The following PTPRD variants were observed in gnomAD, a reference collection of about 807,000 sequenced individuals.
PTPRD encodes protein tyrosine phosphatase receptor type D.
Under a neutral mutation model 214.5 loss-of-function variants are expected in PTPRD, and 34 were observed. The observed-to-expected ratio is 0.16, with a 90% CI of 0.12 to 0.21. The LOEUF (loss-of-function observed/expected upper bound fraction) is 0.21, where lower values mean the gene tolerates loss of function less well. Ranked by LOEUF, PTPRD falls within the 10% of genes least tolerant of loss-of-function variation. PTPRD has a pLI of 1.00. For synonymous variants in PTPRD, 1,128 were observed against 845.7 expected, an observed-to-expected ratio of 1.33 and a Z score of -5.79; for missense variants, 2,545 against 2,398.7, an observed-to-expected ratio of 1.06 and a Z score of -1.27.
chr9:9,995,469 C>T (rs12348506), intron 4 of PTPRD, among the ~76,000 whole-genome samples: 2,678 of 152,184 alleles, frequency 0.018, 26 homozygotes, highest in Non-Finnish European at 0.025. Context: ...TATAAATCTC[C>T]CTCACGGACA....
In PTPRD at chr9:8,462,063, T is replaced by C. The variant is rs563407790; in HGVS notation, c.3715-1492A>G. Among the ~76,000 whole-genome samples, 6 of 152,112 alleles carry C rather than the reference T, an allele frequency of 3.9e-5. No individual in the cohort carries two copies. In the South Asian group the frequency reaches 1.2e-3, roughly 32 times the overall value. On this transcript the variant is annotated intron_variant, in intron 32 of 45. Coordinates refer to ENST00000381196, the MANE Select transcript of PTPRD (RefSeq NM_002839.4). ...CTCCATGCAGAATCTGTCTCTTCAT[T>C]AATGTTCCTAAACTCAGATACTCTA...
At chr9:8,791,487 G>A (rs7872027) in intron 11 of PTPRD, among the ~76,000 whole-genome samples, 17,454 of 147,268 alleles carry the variant, frequency 0.12, 1,225 homozygotes, top group East Asian at 0.35. Context: ...GCCTCCCAAA[G>A]TGCTCGGATT....
intron 2 of PTPRD, among the ~76,000 whole-genome samples, chr9:10,429,252 G>A (rs2098654428): frequency 6.6e-6 from 1 of 151,838 alleles, no homozygotes; most frequent in East Asian, 1.9e-4. Flanking sequence ...AATTAGTACA[G>A]CCACTATGGA....
rs958967467 is a variant in PTPRD at position 10,240,039 on chromosome 9, C to T, written c.-545+100924G>A. Among the ~76,000 whole-genome samples the T allele has an allele frequency of 1.4e-4, 21 of 152,082 alleles. No homozygotes were observed. The South Asian group carries it at 2.9e-3, about 21-fold the overall frequency. On this transcript the variant is annotated intron_variant, in intron 3 of 45. Transcript: ENST00000381196. Reference sequence around the variant, plus strand: ...ATACTGAGGAGGGAAAAGTGTCGCACAGAGGGATCAAGAAACATCTAAACA... The same window carrying T: ...ATACTGAGGAGGGAAAAGTGTCGCATAGAGGGATCAAGAAACATCTAAACA...
chr9:9,678,821 G>A (rs1221763249), intron 7 of PTPRD, among the ~76,000 whole-genome samples: 1 of 151,874 alleles, frequency 6.6e-6, no homozygotes, highest in Non-Finnish European at 1.5e-5. Flanking sequence ...TCACATTCCT[G>A]TCATAAATTT....
chr9:9,691,038 A>G (rs1298934666), intron 7 of PTPRD, among the ~76,000 whole-genome samples: 1 of 152,006 alleles, frequency 6.6e-6, no homozygotes, highest in African/African-American at 2.4e-5. Flanking sequence ...TAATAGGTGT[A>G]TATACTTATG....
intron 11 of PTPRD, among the ~76,000 whole-genome samples, chr9:8,929,819 GTGTATATATA>G (rs1567062654): frequency 6.6e-5 from 5 of 75,672 alleles, no homozygotes; most frequent in African/African-American, 2.2e-4. Context: ...GTATATATAT[GTGTATATATA>G]TGTGTATATA....
chr9:10,482,181 C>G (rs1292316673), intron 2 of PTPRD, among the ~76,000 whole-genome samples: 3 of 151,912 alleles, frequency 2.0e-5, no homozygotes, highest in Non-Finnish European at 4.4e-5. Flanking sequence ...ACCAGCCCGG[C>G]TAACACAGTG....
At chr9:10,036,445 T>G (rs1364399848) in intron 3 of PTPRD, among the ~76,000 whole-genome samples, 1 of 151,280 alleles carries the variant, frequency 6.6e-6, no homozygotes, top group Admixed American at 6.6e-5. Flanking sequence ...CACCATAAAA[T>G]GAAAACTGAT....
chr9:8,736,871 A>C (rs1309866394), intron 11 of PTPRD, among the ~76,000 whole-genome samples: 1 of 152,142 alleles, frequency 6.6e-6, no homozygotes, highest in Non-Finnish European at 1.5e-5. Flanking sequence ...AAATCTCAAA[A>C]GTTCATTGGA....
intron 11 of PTPRD, among the ~76,000 whole-genome samples, chr9:8,782,098 AACATACCATAAT>A: frequency 3.3e-5 from 1 of 29,916 alleles, no homozygotes; most frequent in African/African-American, 1.1e-4. Flanking sequence ...TATGGTATAA[AACATACCATAAT>A]GTTTATGGTA....
intron 4 of PTPRD, among the ~76,000 whole-genome samples, chr9:9,953,564 T>A (rs569231005): frequency 6.6e-6 from 1 of 151,682 alleles, no homozygotes; most frequent in African/African-American, 2.4e-5. Context: ...CTCTGGAGAA[T>A]TCTAACACAA....
chr9:9,329,761 C>T (rs1306196287), intron 9 of PTPRD, among the ~76,000 whole-genome samples: 1 of 152,214 alleles, frequency 6.6e-6, no homozygotes, highest in Non-Finnish European at 1.5e-5. Context: ...GTTTCATCTT[C>T]AGATACTACT....
intron 9 of PTPRD, among the ~76,000 whole-genome samples, chr9:9,269,532 T>C (rs1360763878): frequency 6.6e-6 from 1 of 151,464 alleles, no homozygotes; most frequent in African/African-American, 2.4e-5. Context: ...AAAATTGAGA[T>C]CTCAGAGAAA....
chr9:9,377,332 G>C (rs1032567896), intron 9 of PTPRD, among the ~76,000 whole-genome samples: 1 of 152,054 alleles, frequency 6.6e-6, no homozygotes, highest in African/African-American at 2.4e-5. Flanking sequence ...TCCTGGTATA[G>C]AATGCCACAA....
chr9:8,928,157 G>A (rs1034047185), intron 11 of PTPRD, among the ~76,000 whole-genome samples: 4 of 152,228 alleles, frequency 2.6e-5, no homozygotes, highest in East Asian at 1.9e-4. Context: ...TAGGTTGACT[G>A]TTTACTCTGA....
intron 4 of PTPRD, among the ~76,000 whole-genome samples, chr9:10,029,234 A>C (rs1204321489): frequency 6.6e-6 from 1 of 152,188 alleles, no homozygotes; most frequent in Non-Finnish European, 1.5e-5. Context: ...TGGGGTGCTC[A>C]TGGAGAACCT....
chr9:10,495,601 T>G (rs542080094), intron 2 of PTPRD, among the ~76,000 whole-genome samples: 1 of 151,858 alleles, frequency 6.6e-6, no homozygotes, highest in Non-Finnish European at 1.5e-5. Context: ...ATGTAAGTTT[T>G]GGCAGTTATA....
intron 3 of PTPRD, among the ~76,000 whole-genome samples, chr9:10,069,394 G>A (rs2097949848): frequency 6.6e-6 from 1 of 151,990 alleles, no homozygotes; most frequent in Admixed American, 6.6e-5. Context: ...CCCCTTGCTG[G>A]TTTGTAGTGC....
Sources: gnomAD v4.1 joint callset for allele counts (sites outside exome capture counted in the v4.1 genomes callset) on GRCh38, gnomAD v4.1.1 for gene constraint, MANE v1.5 for transcripts, NCBI Gene and HGNC (gene_info 2026-07-23, HGNC 2026-07-21) for gene names.